The following SUCLG2 variants were observed in gnomAD, a reference collection of about 807,000 sequenced individuals.
The protein encoded by SUCLG2 is succinate-CoA ligase GDP-forming subunit beta.
In SUCLG2, 42 loss-of-function variants were observed where a neutral mutation model predicts 47.9. The ratio of observed to expected loss-of-function variants is 0.88; its 90% CI spans 0.69 to 1.14. The LOEUF (loss-of-function observed/expected upper bound fraction) is 1.14. Among genes scored for constraint, SUCLG2 ranks in the 50% most tolerant of loss-of-function variants. The pLI, the probability that SUCLG2 is intolerant of heterozygous loss-of-function variation, is 0.00. For synonymous variants in SUCLG2, 195 were observed against 197.3 expected (o/e 0.99, Z 0.10); for missense variants, 571 against 525.9 (o/e 1.09, Z -0.84).
At chr3:67,590,729 A>G (rs1001982622) in intron 2 of SUCLG2, among the ~76,000 whole-genome samples, 1 of 152,162 alleles carries the variant, frequency 6.6e-6, no homozygotes, top group Admixed American at 6.5e-5. Context: ...TGTATAAATT[A>G]CCCAGCCTCA....
intron 9 of SUCLG2, among the ~76,000 whole-genome samples, chr3:67,473,715 C>T (rs538307839): frequency 9.9e-5 from 15 of 152,140 alleles, no homozygotes; most frequent in Non-Finnish European, 1.8e-4. Flanking sequence ...AGATAACTTC[C>T]GAGTAGCAGT....
chr3:67,467,036 G>C (rs1465219821), intron 9 of SUCLG2, among the ~76,000 whole-genome samples: 1 of 152,172 alleles, frequency 6.6e-6, no homozygotes, highest in Non-Finnish European at 1.5e-5. Flanking sequence ...TATTTAATTT[G>C]TTTTGAATTA....
At chr3:67,524,502 T>G (rs1706202775) in intron 4 of SUCLG2, among the ~76,000 whole-genome samples, 1 of 152,206 alleles carries the variant, frequency 6.6e-6, no homozygotes. Flanking sequence ...TGAGTAGCAC[T>G]GTCTCACAGG....
intron 9 of SUCLG2, among the ~76,000 whole-genome samples, chr3:67,411,596 G>A (rs1038560851): frequency 6.6e-6 from 1 of 152,038 alleles, no homozygotes; most frequent in Non-Finnish European, 1.5e-5. Flanking sequence ...TTAAGTAAAA[G>A]CATTTTTAAA....
chr3:67,544,281 C>G (rs1706803017), intron 2 of SUCLG2, among the ~76,000 whole-genome samples: 1 of 152,018 alleles, frequency 6.6e-6, no homozygotes, highest in South Asian at 2.1e-4. Context: ...GCTCTGTGTC[C>G]CCACCCAAAT....
chr3:67,376,123 G>T (rs1456521509), intron 10 of SUCLG2: 1 of 985,340 alleles, frequency 1.0e-6, no homozygotes, highest in Admixed American at 6.1e-5. Context: ...GTTGTCTGCT[G>T]ATAATCACAG....
chr3:67,619,610 G>A (rs181149433), intron 1 of SUCLG2, among the ~76,000 whole-genome samples: 8 of 152,286 alleles, frequency 5.3e-5, no homozygotes, highest in East Asian at 3.9e-4. Context: ...TTGCTGGATC[G>A]GTTTCCCTAA....
At position 67,498,337 on chromosome 3, in the gene SUCLG2, G is replaced by C. The variant is rs764829087; in HGVS notation, c.758-42C>G. On this transcript the variant is annotated intron_variant, in intron 7 of 10. Transcript: ENST00000307227. ...ACAATCATACTTGAATATCTCTTGAGGATCTATAAATTAAGTTCTTCAGGC... is the reference window on the plus strand; with the variant it reads ...ACAATCATACTTGAATATCTCTTGACGATCTATAAATTAAGTTCTTCAGGC... 3.8e-6 allele frequency: 6 copies of C among 1,596,072 alleles called. No homozygotes were observed. The Admixed American group carries it at 1.0e-4, about 27-fold the overall frequency.
chr3:67,611,749 C>T (rs551562296), intron 1 of SUCLG2, among the ~76,000 whole-genome samples: 1 of 152,268 alleles, frequency 6.6e-6, no homozygotes, highest in African/African-American at 2.4e-5. Flanking sequence ...GAACACTCGC[C>T]ATATTAATTT....
chr3:67,393,493 T>C (rs547815366), intron 10 of SUCLG2, among the ~76,000 whole-genome samples: 21 of 152,312 alleles, frequency 1.4e-4, no homozygotes, highest in African/African-American at 5.1e-4. Context: ...TGGCCCAGGC[T>C]TGCTTACGTA....
chr3:67,634,001 C>T (rs1275087281), intron 1 of SUCLG2, among the ~76,000 whole-genome samples: 2 of 152,086 alleles, frequency 1.3e-5, no homozygotes, highest in Non-Finnish European at 2.9e-5. Flanking sequence ...CATTTTATAA[C>T]CATGGTGTTC....
At chr3:67,620,798 G>C (rs934619702) in intron 1 of SUCLG2, among the ~76,000 whole-genome samples, 1 of 152,036 alleles carries the variant, frequency 6.6e-6, no homozygotes, top group Non-Finnish European at 1.5e-5. Context: ...GGTAGGAAAG[G>C]GGTTGGCACG....
intron 10 of SUCLG2, among the ~76,000 whole-genome samples, chr3:67,400,185 A>G (rs1702651169): frequency 6.6e-6 from 1 of 152,144 alleles, no homozygotes; most frequent in Non-Finnish European, 1.5e-5. Context: ...CTGTAAAACA[A>G]TGTCATTATT....
intron 2 of SUCLG2, among the ~76,000 whole-genome samples, chr3:67,602,557 GGAA>G (rs1708443001): frequency 6.6e-6 from 1 of 152,022 alleles, no homozygotes; most frequent in African/African-American, 2.4e-5. Context: ...TGCAGACTTA[GGAA>G]GAAGAAAAAA....
chr3:67,377,166 A>G (rs1025713029), intron 10 of SUCLG2, among the ~76,000 whole-genome samples: 2 of 152,244 alleles, frequency 1.3e-5, no homozygotes, highest in Admixed American at 6.5e-5. Flanking sequence ...TGAGGCACAG[A>G]GAAGTTAAAT....
intron 10 of SUCLG2, among the ~76,000 whole-genome samples, chr3:67,379,985 T>C (rs1414943481): frequency 6.6e-6 from 1 of 152,186 alleles, no homozygotes; most frequent in East Asian, 1.9e-4. Flanking sequence ...CCAATATCCG[T>C]TAGCTAGCAG....
At chr3:67,608,862 G>A (rs943273788) in intron 2 of SUCLG2, among the ~76,000 whole-genome samples, 2 of 151,842 alleles carry the variant, frequency 1.3e-5, no homozygotes, top group African/African-American at 4.8e-5. Flanking sequence ...AGTTTTTGTA[G>A]AAACGGGTTC....
intron 1 of SUCLG2, among the ~76,000 whole-genome samples, chr3:67,624,138 A>G (rs1700782149): frequency 6.6e-6 from 1 of 152,240 alleles, no homozygotes; most frequent in Admixed American, 6.5e-5. Flanking sequence ...ATTTGAGTTT[A>G]ATGGGATTTA....
intron 2 of SUCLG2, among the ~76,000 whole-genome samples, chr3:67,568,689 C>T (rs897268616): frequency 6.6e-6 from 1 of 152,126 alleles, no homozygotes; most frequent in African/African-American, 2.4e-5. Flanking sequence ...AGATCGAGAC[C>T]ATCCTGGCTA....
Sources: gnomAD v4.1 joint callset for allele counts (sites outside exome capture counted in the v4.1 genomes callset) on GRCh38, gnomAD v4.1.1 for gene constraint, MANE v1.5 for transcripts, NCBI Gene and HGNC (gene_info 2026-07-23, HGNC 2026-07-21) for gene names.